Variants in MBTD1 observed in about 807,000 individuals in gnomAD.
MBTD1 encodes the protein mbt domain containing 1, also known as MBT domain-containing protein 1.
MBTD1 carries 24 observed loss-of-function variants against 87.8 expected under a neutral mutation model. The ratio of observed to expected loss-of-function variants is 0.27; its 90% CI spans 0.20 to 0.38. MBTD1 has a LOEUF of 0.38. Among genes scored for constraint, MBTD1 ranks in the 10% least tolerant of loss-of-function variants. MBTD1 has a pLI of 1.00. For synonymous variants in MBTD1, 237 were observed against 248.6 expected, an observed-to-expected ratio of 0.95 and a Z score of 0.44; for missense variants, 436 against 760.2, an observed-to-expected ratio of 0.57 and a Z score of 5.02.
At chr17:51,190,745 A>T (rs1417581225) in intron 16 of MBTD1, among the ~76,000 whole-genome samples, 1 of 115,362 alleles carries the variant, frequency 8.7e-6, no homozygotes, top group Admixed American at 8.9e-5. Flanking sequence ...AAAAAAAAAA[A>T]AAAAAATATA....
intron 16 of MBTD1, among the ~76,000 whole-genome samples, chr17:51,188,166 A>C (rs1188448645): frequency 6.6e-6 from 1 of 152,228 alleles, no homozygotes; most frequent in Non-Finnish European, 1.5e-5. Flanking sequence ...GTCCACTCTT[A>C]CTACTTACAG....
intron 2 of MBTD1, among the ~76,000 whole-genome samples, chr17:51,247,193 T>C (rs1029772357): frequency 1.3e-5 from 2 of 152,302 alleles, no homozygotes; most frequent in East Asian, 1.9e-4. Context: ...TGTCATAGGC[T>C]TTTTCGGCTT....
At chr17:51,253,822 C>G (rs1176927375) in intron 2 of MBTD1, among the ~76,000 whole-genome samples, 2 of 152,132 alleles carry the variant, frequency 1.3e-5, no homozygotes, top group East Asian at 3.8e-4. Flanking sequence ...ATGAAATCTA[C>G]AAGGGAATTA....
rs2050265529 is a variant in MBTD1, at chr17:51,180,674, C to T, written c.1789G>A (p.Glu597Lys). Residue 597 changes from glutamate (E) to lysine (K), a missense_variant, in exon 17 of 17, where the codon GAG becomes AAG. Physicochemically the swap from Glu to Lys is moderately conservative, Grantham distance 56 (BLOSUM62 1). Coordinates refer to ENST00000586178, the MANE Select transcript of MBTD1 (RefSeq NM_017643.3). ...TAATCCTCTCCATCCAGCAACTCCT[C>T]CTTCAGCTGCAGTGTTGTCACTGAA... ...HKKMTTLQLK[E>K]ELLDGEDYNF... 2 of 1,545,970 alleles carry T rather than the reference C, an allele frequency of 1.3e-6. No individual in the cohort carries two copies. Among genetic ancestry groups the T allele is most frequent in the African/African-American group, 2.7e-5 (2 of 73,014 alleles).
intron 13 of MBTD1, among the ~76,000 whole-genome samples, chr17:51,194,520 G>A (rs2050973733): frequency 7.7e-6 from 1 of 129,384 alleles, no homozygotes; most frequent in Non-Finnish European, 1.5e-5. Flanking sequence ...AAAGAGGTGA[G>A]ATAGCACCCC....
At chr17:51,197,496 C>T (rs113822368) in intron 12 of MBTD1, among the ~76,000 whole-genome samples, 7 of 151,182 alleles carry the variant, frequency 4.6e-5, no homozygotes, top group African/African-American at 1.7e-4. Context: ...CTGCTACTTG[C>T]TCACTACTCT....
At chr17:51,260,661 G>A (rs377167917), upstream of MBTD1, 2 of 1,612,188 alleles carry the variant, frequency 1.2e-6, no homozygotes, top group East Asian at 2.2e-5. Flanking sequence ...CCCGGAATGA[G>A]GCCGGACTGG....
intron 4 of MBTD1, among the ~76,000 whole-genome samples, chr17:51,219,384 C>G (rs1000349094): frequency 2.0e-5 from 3 of 152,188 alleles, no homozygotes; most frequent in African/African-American, 4.8e-5. Context: ...GTTATTTACT[C>G]ATGCAGGTTG....
At chr17:51,192,615 T>G in intron 15 of MBTD1, 167 bp downstream of exon 15, 2 of 1,230,770 alleles carry the variant, frequency 1.6e-6, no homozygotes, top group Non-Finnish European at 2.2e-6. Context: ...ATGGGACACA[T>G]GGTCTGATTC....
intron 16 of MBTD1, chr17:51,183,507 A>G (rs1350512476): frequency 6.6e-6 from 1 of 152,204 alleles, no homozygotes; most frequent in East Asian, 1.9e-4. Flanking sequence ...TAATCTTTTG[A>G]GAGATGGCAA....
chr17:51,260,506 G>A (rs114131498), upstream of MBTD1: 11 of 1,457,242 alleles, frequency 7.5e-6, no homozygotes, highest in Non-Finnish European at 9.1e-6. Context: ...GGGCTTCGGC[G>A]GCGGCGGCCC....
chr17:51,180,781 C>G (rs967241236), intron 16 of MBTD1, 87 bp from the exon 17 acceptor site: 6 of 719,894 alleles, frequency 8.3e-6, no homozygotes, highest in Non-Finnish European at 1.4e-5. Flanking sequence ...GTCAGCTTTA[C>G]AGTTATTAAG....
chr17:51,187,315 T>C (rs1430824517), intron 16 of MBTD1, among the ~76,000 whole-genome samples: 1 of 151,482 alleles, frequency 6.6e-6, no homozygotes, highest in Non-Finnish European at 1.5e-5. Context: ...TGTGGGAGAT[T>C]TGCTTGAGCC....
At chr17:51,245,074 G>T (rs1429975254) in intron 2 of MBTD1, among the ~76,000 whole-genome samples, 1 of 152,048 alleles carries the variant, frequency 6.6e-6, no homozygotes, top group African/African-American at 2.4e-5. Flanking sequence ...CTAATTTTTT[G>T]TATTTTTAGT....
chr17:51,202,651 A>C (rs775894676), intron 10 of MBTD1, 50 bp downstream of exon 10: 1 of 1,345,534 alleles, frequency 7.4e-7, no homozygotes, highest in Non-Finnish European at 1.1e-6. Context: ...CAACTAGTAT[A>C]ATCAGCCTCA....
chr17:51,245,536 TTTA>T (rs1175871848), intron 2 of MBTD1, among the ~76,000 whole-genome samples: 2 of 152,098 alleles, frequency 1.3e-5, no homozygotes, highest in African/African-American at 4.8e-5. Flanking sequence ...GTGTCTGGAC[TTTA>T]TTATTATGTA....
chr17:51,241,381 A>T (rs1231733993), intron 2 of MBTD1, among the ~76,000 whole-genome samples: 1 of 152,160 alleles, frequency 6.6e-6, no homozygotes, highest in African/African-American at 2.4e-5. Context: ...AGATAATGCA[A>T]ATATTCAGCT....
chr17:51,195,138 G>T, intron 13 of MBTD1, 76 bp downstream of exon 13: 1 of 1,358,858 alleles, frequency 7.4e-7, no homozygotes, highest in Non-Finnish European at 1.0e-6. Flanking sequence ...CTAGGGCTGT[G>T]TTAAATGTTG....
At chr17:51,227,440 G>C (rs1232227413) in intron 2 of MBTD1, among the ~76,000 whole-genome samples, 1 of 151,692 alleles carries the variant, frequency 6.6e-6, no homozygotes, top group Non-Finnish European at 1.5e-5. Context: ...TTGCACCTGT[G>C]GTCCCAGCTA....
Sources: gnomAD v4.1 joint callset for allele counts (sites outside exome capture counted in the v4.1 genomes callset) on GRCh38, gnomAD v4.1.1 for gene constraint, MANE v1.5 for transcripts, NCBI Gene and HGNC (gene_info 2026-07-23, HGNC 2026-07-21) for gene names.